ZNF420: variants seen among roughly 807,000 people sequenced by gnomAD.
The protein encoded by ZNF420 is ATM and p53-associated KZNF protein.
ZNF420 carries 31 observed loss-of-function variants against 44.7 expected under a neutral mutation model. That is an observed-to-expected ratio of 0.69 (90% confidence interval 0.52 to 0.94). The LOEUF is 0.94. Among genes scored for constraint, ZNF420 ranks in the 40% least tolerant of loss-of-function variants. The pLI, the probability that ZNF420 is intolerant of heterozygous loss-of-function variation, is 0.00. For missense variants in ZNF420, 681 were observed against 827.9 expected, an observed-to-expected ratio of 0.82 and a Z score of 2.18; for synonymous variants, 245 against 267.4, an observed-to-expected ratio of 0.92 and a Z score of 0.82.
chr19:37,106,353 C>T (rs1484540951), intron 4 of ZNF420, among the ~76,000 whole-genome samples: 2 of 152,130 alleles, frequency 1.3e-5, no homozygotes, highest in African/African-American at 4.8e-5. Flanking sequence ...CCTTGCATCC[C>T]AGGGATGAAG....
intron 1 of ZNF420, among the ~76,000 whole-genome samples, chr19:37,063,516 T>C (rs1943385030): frequency 6.6e-6 from 1 of 152,164 alleles, no homozygotes; most frequent in African/African-American, 2.4e-5. Context: ...TTCTCGCTTC[T>C]GTAGTATGCT....
intron 1 of ZNF420, among the ~76,000 whole-genome samples, chr19:37,015,093 C>A (rs535882495): frequency 3.9e-5 from 6 of 152,362 alleles, no homozygotes; most frequent in East Asian, 3.9e-4. Context: ...GCCTCAGGAG[C>A]TGCCTGGCTG....
chr19:37,064,038 CATG>C (rs1967924263), intron 1 of ZNF420, among the ~76,000 whole-genome samples: 1 of 152,144 alleles, frequency 6.6e-6, no homozygotes, highest in South Asian at 2.1e-4. Context: ...GATGTTTCCT[CATG>C]ATAAGGTTCC....
intron 4 of ZNF420, chr19:37,111,589 C>A (rs915805531): frequency 6.6e-6 from 1 of 152,164 alleles, no homozygotes; most frequent in African/African-American, 2.4e-5. Context: ...ATTTGTCTCT[C>A]GTTTCTGCAG....
chr19:37,080,282 A>G (rs1968364288), intron 1 of ZNF420, 63 bp from the exon 2 acceptor site: 2 of 152,590 alleles, frequency 1.3e-5, no homozygotes. Context: ...GGTATGTTAT[A>G]ATTTAGCATA....
chr19:37,130,204 G>C lies in ZNF420; in HGVS notation c.*1146G>C, dbSNP rs764745386. 6.5e-7 allele frequency: 1 copy of C among 1,549,702 alleles called. No individual in the cohort carries two copies. Among genetic ancestry groups the C allele is most frequent in the South Asian group, 1.2e-5 (1 of 83,904 alleles). On this transcript the variant is annotated 3_prime_UTR_variant, in exon 5 of 5. Coordinates refer to ENST00000337995, the MANE Select transcript of ZNF420 (RefSeq NM_144689.5). ...TGGTATCTGGGTGTTATGGATCATGGAGCAGAAATACAGAAGGAGTCTGCA... is the reference window on the plus strand; with the variant it reads ...TGGTATCTGGGTGTTATGGATCATGCAGCAGAAATACAGAAGGAGTCTGCA...
chr19:37,013,804 G>A (rs2074589855), intron 1 of ZNF420, among the ~76,000 whole-genome samples: 1 of 152,192 alleles, frequency 6.6e-6, no homozygotes, highest in Non-Finnish European at 1.5e-5. Context: ...AGGGACTCCT[G>A]TATCCTGACA....
intron 1 of ZNF420, among the ~76,000 whole-genome samples, chr19:37,014,624 C>T (rs991067377): frequency 1.3e-5 from 2 of 152,192 alleles, no homozygotes; most frequent in Non-Finnish European, 2.9e-5. Flanking sequence ...CTGGGGCTGC[C>T]GCCTGACAGC....
At chr19:37,103,627 C>G (rs1448209202) in intron 4 of ZNF420, among the ~76,000 whole-genome samples, 1 of 152,204 alleles carries the variant, frequency 6.6e-6, no homozygotes, top group Non-Finnish European at 1.5e-5. Flanking sequence ...TTCATCTATA[C>G]TAATTCAACC....
chr19:37,015,726 C>T (rs965208900), intron 1 of ZNF420, among the ~76,000 whole-genome samples: 2 of 152,186 alleles, frequency 1.3e-5, no homozygotes, highest in African/African-American at 4.8e-5. Context: ...CTCTTCACTG[C>T]ATAACCTGTC....
intron 1 of ZNF420, among the ~76,000 whole-genome samples, chr19:37,022,615 C>CA (rs1293663892): frequency 1.3e-5 from 2 of 152,032 alleles, no homozygotes; most frequent in East Asian, 3.9e-4. Flanking sequence ...AAAAAATTAA[C>CA]AAAAAATAGC....
chr19:37,056,978 G>A (rs1967766603), intron 1 of ZNF420, among the ~76,000 whole-genome samples: 1 of 152,278 alleles, frequency 6.6e-6, no homozygotes, highest in African/African-American at 2.4e-5. Flanking sequence ...CAGCAGCGGA[G>A]CGCGAGTCGG....
rs1284449414 is a variant in ZNF420 at position 37,030,274 on chromosome 19, A to G, written c.-125+22192A>G. ...CCTCCCGGGTTCAAGCAATTCTCCT[A>G]CCTCAGCCTCCCGAGTAGCTGTGAT... On this transcript the variant is annotated intron_variant, in intron 1 of 4. Coordinates refer to the ZNF420 transcript ENST00000587029. 2.6e-5 allele frequency among the ~76,000 whole-genome samples: 4 copies of G among 151,852 alleles called. No homozygotes were observed. In the East Asian group the frequency reaches 7.8e-4, roughly 30 times the overall value.
At chr19:37,079,939 A>G (rs948602567) in intron 1 of ZNF420, among the ~76,000 whole-genome samples, 1 of 152,188 alleles carries the variant, frequency 6.6e-6, no homozygotes, top group African/African-American at 2.4e-5. Context: ...GGTTGCAGTG[A>G]GCCAAGATCA....
At chr19:37,054,566 C>A (rs1261447252) in intron 1 of ZNF420, among the ~76,000 whole-genome samples, 2 of 152,194 alleles carry the variant, frequency 1.3e-5, no homozygotes, top group Non-Finnish European at 2.9e-5. Context: ...GTAACTAGGT[C>A]AAGGCATTGT....
intron 1 of ZNF420, among the ~76,000 whole-genome samples, chr19:37,053,955 G>C (rs1337212177): frequency 6.6e-6 from 1 of 152,230 alleles, no homozygotes; most frequent in Non-Finnish European, 1.5e-5. Flanking sequence ...CCTGCGTCCA[G>C]AGGTGAAGTC....
intron 1 of ZNF420, among the ~76,000 whole-genome samples, chr19:37,009,282 G>T (rs375808756): frequency 1.3e-3 from 200 of 152,304 alleles, no homozygotes; most frequent in African/African-American, 4.7e-3. Context: ...GATGGAGGTG[G>T]AGTGATCTTT....
chr19:37,030,039 A>G (rs73623587), intron 1 of ZNF420, among the ~76,000 whole-genome samples: 1,997 of 152,276 alleles, frequency 0.013, 46 homozygotes, highest in African/African-American at 0.045. Context: ...CTCATGTTGT[A>G]TAAAAGATGT....
intron 4 of ZNF420, among the ~76,000 whole-genome samples, chr19:37,094,045 A>G (rs1464295475): frequency 6.6e-6 from 1 of 152,228 alleles, no homozygotes; most frequent in East Asian, 1.9e-4. Context: ...AAAAAATTCC[A>G]CAGCCCAGGC....
Sources: gnomAD v4.1 joint callset for allele counts (sites outside exome capture counted in the v4.1 genomes callset) on GRCh38, gnomAD v4.1.1 for gene constraint, MANE v1.5 for transcripts, NCBI Gene and HGNC (gene_info 2026-07-23, HGNC 2026-07-21) for gene names.